The following ST3GAL5 variants were observed in gnomAD, a reference collection of about 807,000 sequenced individuals.
ST3GAL5 encodes the protein lactosylceramide alpha-2,3-sialyltransferase.
A neutral mutation model predicts 46.1 loss-of-function variants in ST3GAL5; 25 were observed. The observed-to-expected ratio is 0.54, with a 90% CI of 0.40 to 0.76. The LOEUF (loss-of-function observed/expected upper bound fraction) is 0.76. ST3GAL5 is among the 30% of genes least tolerant of loss of function. ST3GAL5 has a pLI of 0.00. For missense variants in ST3GAL5, 431 were observed against 521.2 expected (o/e 0.83, Z 1.69); for synonymous variants, 182 against 192.7 (o/e 0.94, Z 0.46).
intron 1 of ST3GAL5, among the ~76,000 whole-genome samples, chr2:85,884,615 G>A (rs766772984): frequency 1.3e-5 from 2 of 152,166 alleles, no homozygotes; most frequent in Non-Finnish European, 2.9e-5. Context: ...AGCAAAGAGA[G>A]GAGAGTATCA....
At chr2:85,847,628 C>T in intron 4 of ST3GAL5, 1 of 1,282,408 alleles carries the variant, frequency 7.8e-7, no homozygotes. Flanking sequence ...GAAACCCCAT[C>T]TCTACTAAAA....
At chr2:85,866,446 A>G (rs760129055) in intron 1 of ST3GAL5, among the ~76,000 whole-genome samples, 23 of 152,338 alleles carry the variant, frequency 1.5e-4, no homozygotes, top group Admixed American at 3.9e-4. Flanking sequence ...TCAAAAATAC[A>G]TATCTGCCTA....
At chr2:85,852,774 G>C in intron 3 of ST3GAL5, 1 of 773,830 alleles carries the variant, frequency 1.3e-6, no homozygotes, top group South Asian at 1.6e-5. Context: ...AGATCTGGAG[G>C]CTGGACTCAG....
intron 6 of ST3GAL5, among the ~76,000 whole-genome samples, chr2:85,841,771 C>G (rs756742336): frequency 6.6e-6 from 1 of 152,212 alleles, no homozygotes; most frequent in Non-Finnish European, 1.5e-5. Context: ...CTCCTCATGT[C>G]TGGCATCTTG....
chr2:85,840,322 C>G lies in ST3GAL5; in HGVS notation c.1079G>C (p.Gly360Ala), dbSNP rs1313087028. 6.2e-7 allele frequency: 1 copy of G among 1,613,954 alleles called. No individual in the cohort carries two copies. The highest frequency in any genetic ancestry group is 1.7e-5 in the Admixed American group (1 of 60,026). Residue 360 changes from glycine to alanine, a missense_variant, in exon 7 of 7, where the codon GGT (glycine) becomes GCT (alanine). By Grantham distance (60) the Gly-to-Ala change is moderately conservative. Transcript: ENST00000638572. The stretch of plus-strand genomic sequence containing the variant: ...GGGTTGATTGAGGTCATATCCAAAA[C>G]CCGCCAAACTGACTTCATCGCACAG... ...THLCDEVSLA[G>A]FGYDLNQPRT...
At chr2:85,862,851 G>A (rs1684874151) in intron 2 of ST3GAL5, among the ~76,000 whole-genome samples, 1 of 152,120 alleles carries the variant, frequency 6.6e-6, no homozygotes, top group South Asian at 2.1e-4. Context: ...TTTCAACTAG[G>A]TTTGACTGGT....
At chr2:85,876,369 A>T (rs1310759570) in intron 1 of ST3GAL5, among the ~76,000 whole-genome samples, 2 of 151,976 alleles carry the variant, frequency 1.3e-5, no homozygotes, top group Non-Finnish European at 2.9e-5. Context: ...AGCAGTGGCA[A>T]TGGGTGGTTG....
At position 85,873,087 on chromosome 2, in the gene ST3GAL5, G is replaced by C. The variant is rs546132576; in HGVS notation, c.83-9602C>G. ...GGGGGGTGCAGGCAGGACGAGAGCA[G>C]CGTTGTGGCCCTGCTGTGGCCACTG... On this transcript the variant is annotated intron_variant, in intron 1 of 6. Coordinates refer to ENST00000638572, the MANE Select transcript of ST3GAL5 (RefSeq NM_003896.4). Among the ~76,000 whole-genome samples the C allele has an allele frequency of 5.9e-5, 9 of 152,338 alleles. No individual in the cohort carries two copies. In the East Asian group the frequency reaches 1.7e-3, roughly 29 times the overall value.
chr2:85,838,476 A>G lies in ST3GAL5; in HGVS notation c.*1668T>C, dbSNP rs1200871869. On this transcript the variant is annotated 3_prime_UTR_variant, in exon 7 of 7. Transcript: ENST00000638572. ...CTGTGGACCATCTTCCAGAGTCTCA[A>G]TTTTCTAAACTCATTTGATGGGTGA... The G allele has an allele frequency of 1.3e-5, 2 of 152,230 alleles. No homozygotes were observed. Among genetic ancestry groups the G allele is most frequent in the South Asian group, 2.1e-4 (1 of 4,830 alleles). The allele number at this position is 152,230 out of a possible 1,614,324, so 9.4% of individuals were successfully genotyped here. A position where few individuals can be genotyped will look rare whatever the true frequency, so the allele number is the denominator to read the frequency against.
intron 1 of ST3GAL5, among the ~76,000 whole-genome samples, chr2:85,871,800 G>A (rs1056909784): frequency 1.8e-4 from 27 of 152,272 alleles, no homozygotes; most frequent in African/African-American, 6.5e-4. Context: ...TGTAATGTCG[G>A]GAGGGGGCTG....
chr2:85,874,203 T>C (rs76159149), intron 1 of ST3GAL5, among the ~76,000 whole-genome samples: 6,056 of 152,328 alleles, frequency 0.04, 170 homozygotes, highest in Non-Finnish European at 0.06. Context: ...ATTCCTCTAG[T>C]GTTGAGAACA....
chr2:85,848,174 G>A lies in ST3GAL5; in HGVS notation c.349C>T (p.Gln117Ter). 1 of 1,614,196 alleles carries A rather than the reference G, an allele frequency of 6.2e-7. No individual in the cohort carries two copies. Among genetic ancestry groups the A allele is most frequent in the African/African-American group, 1.3e-5 (1 of 75,054 alleles). ...GCAAACTTGGGACGACATTCCTTCT[G>A]CAAGACTTGCTGAGCATATTTCTGA... ...RAQKYAQQVL[Q>*]KECRPKFAKT... Residue 117 changes from glutamine (Q) to a stop codon, truncating the protein, a stop_gained, in exon 4 of 7, where the codon CAG becomes TAG. Coordinates refer to ENST00000638572, the MANE Select transcript of ST3GAL5 (RefSeq NM_003896.4). LOFTEE classifies it high-confidence loss of function.
chr2:85,870,152 A>C (rs764237661), intron 1 of ST3GAL5: 1 of 466,996 alleles, frequency 2.1e-6, no homozygotes, highest in African/African-American at 2.0e-5. Flanking sequence ...GTGATTCTTC[A>C]TAAGTTTTTT....
intron 1 of ST3GAL5, among the ~76,000 whole-genome samples, chr2:85,871,162 A>C (rs969519582): frequency 2.6e-5 from 4 of 151,496 alleles, no homozygotes; most frequent in African/African-American, 7.3e-5. Context: ...TTAGCCCTCC[A>C]AGTAGCTGGA....
At position 85,838,929 on chromosome 2, in the gene ST3GAL5, G is replaced by C. The variant is rs1681696119; in HGVS notation, c.*1215C>G. The C allele has an allele frequency of 6.6e-6, 1 of 152,354 alleles. No individual in the cohort carries two copies. The highest frequency in any genetic ancestry group is 1.5e-5 in the Non-Finnish European group (1 of 68,192). 9.4% of individuals were successfully genotyped at this position (152,354 alleles called of 1,614,324 possible). A position where few individuals can be genotyped will look rare whatever the true frequency, so the allele number is the denominator to read the frequency against. On this transcript the variant is annotated 3_prime_UTR_variant, in exon 7 of 7. Transcript: ENST00000638572. The stretch of plus-strand genomic sequence containing the variant: ...AGAGCCATTAAGAGACAGAAGCTAG[G>C]GGCAGCCTGTCTTTGGGGAGGAAGC...
chr2:85,852,205 T>C (rs1683589527), intron 3 of ST3GAL5, among the ~76,000 whole-genome samples: 1 of 152,224 alleles, frequency 6.6e-6, no homozygotes, highest in African/African-American at 2.4e-5. Context: ...AGCATTCAGA[T>C]TGAAAGAAAA....
intron 5 of ST3GAL5, 38 bp downstream of exon 5, chr2:85,846,339 T>C (rs1230324174): frequency 1.3e-6 from 2 of 1,598,596 alleles, no homozygotes; most frequent in African/African-American, 2.7e-5. Flanking sequence ...TCCTTCACTT[T>C]TTACTAAGGC....
At chr2:85,847,252 C>T in intron 4 of ST3GAL5, 12 of 528,850 alleles carry the variant, frequency 2.3e-5, no homozygotes, top group Non-Finnish European at 2.7e-5. Context: ...GAAGCCAGGC[C>T]CCTCATTGAC....
chr2:85,871,026 T>G (rs1685864526), intron 1 of ST3GAL5, among the ~76,000 whole-genome samples: 1 of 150,554 alleles, frequency 6.6e-6, no homozygotes, highest in African/African-American at 2.4e-5. Context: ...ATCCATCACC[T>G]CAACCATTTA....
Sources: allele counts gnomAD v4.1 joint callset (sites outside exome capture counted in the v4.1 genomes callset), GRCh38; gene constraint gnomAD v4.1.1; transcripts MANE v1.5; gene names NCBI Gene and HGNC (gene_info 2026-07-23, HGNC 2026-07-21).